STAP1: variants seen among roughly 807,000 people sequenced by gnomAD.
STAP1 encodes the protein signal transducing adaptor family member 1, also known as signal-transducing adaptor protein 1.
STAP1 carries 30 observed loss-of-function variants against 37.8 expected under a neutral mutation model. The ratio of observed to expected loss-of-function variants is 0.79; its 90% CI spans 0.59 to 1.08. The LOEUF (loss-of-function observed/expected upper bound fraction) is 1.08, where lower values mean the gene tolerates loss of function less well. Among genes scored for constraint, STAP1 ranks in the 50% least tolerant of loss-of-function variants. STAP1 has a pLI of 0.00. For missense variants in STAP1, 357 were observed against 349.4 expected (o/e 1.02, Z -0.17); for synonymous variants, 130 against 116.0 (o/e 1.12, Z -0.78).
At chr4:67,598,980 C>T (rs1728281172) in intron 8 of STAP1, among the ~76,000 whole-genome samples, 1 of 152,144 alleles carries the variant, frequency 6.6e-6, no homozygotes, top group Admixed American at 6.5e-5. Context: ...GATCATATAA[C>T]TATTGTTCTT....
chr4:67,581,684 C>T (rs1352580168), intron 5 of STAP1, among the ~76,000 whole-genome samples: 1 of 152,146 alleles, frequency 6.6e-6, no homozygotes, highest in Admixed American at 6.5e-5. Flanking sequence ...CACAGGAAAT[C>T]CCCTTCCACC....
At chr4:67,562,313 G>A (rs1346132487) in intron 1 of STAP1, among the ~76,000 whole-genome samples, 1 of 151,532 alleles carries the variant, frequency 6.6e-6, no homozygotes, top group Non-Finnish European at 1.5e-5. Context: ...CTGCACTCCA[G>A]CCTGGGTGAC....
intron 5 of STAP1, 123 bp from the exon 6 acceptor site, chr4:67,583,451 A>T (rs1727908924): frequency 9.9e-7 from 1 of 1,010,544 alleles, no homozygotes; most frequent in Non-Finnish European, 1.4e-6. Context: ...GGAATAATCA[A>T]ACCGGAAGTT....
intron 6 of STAP1, among the ~76,000 whole-genome samples, chr4:67,588,879 C>G (rs1728059252): frequency 6.6e-6 from 1 of 152,148 alleles, no homozygotes; most frequent in South Asian, 2.1e-4. Flanking sequence ...ACAGAAACTA[C>G]TACATTAAAA....
intron 3 of STAP1, among the ~76,000 whole-genome samples, chr4:67,576,576 T>C (rs916123753): frequency 6.6e-6 from 1 of 152,254 alleles, no homozygotes; most frequent in Non-Finnish European, 1.5e-5. Flanking sequence ...GCTCAAAATA[T>C]GTTGGCTGCA....
intron 8 of STAP1, among the ~76,000 whole-genome samples, chr4:67,605,984 T>C (rs914799356): frequency 6.6e-6 from 1 of 152,128 alleles, no homozygotes; most frequent in African/African-American, 2.4e-5. Context: ...ACAAGAGCAA[T>C]AATGGAACAA....
intron 1 of STAP1, among the ~76,000 whole-genome samples, chr4:67,562,088 A>G (rs141665453): frequency 0.21 from 23,154 of 109,182 alleles, 1,789 homozygotes; most frequent in Non-Finnish European, 0.26. Context: ...AAAAAAAAAA[A>G]AAAGAAAGAA....
intron 1 of STAP1, among the ~76,000 whole-genome samples, chr4:67,568,076 T>C (rs891690476): frequency 1.3e-5 from 2 of 152,348 alleles, no homozygotes; most frequent in African/African-American, 4.8e-5. Context: ...TAGTTCAAAA[T>C]GAATTTAATC....
intron 1 of STAP1, among the ~76,000 whole-genome samples, chr4:67,563,192 T>C (rs1226905145): frequency 1.3e-5 from 2 of 152,244 alleles, no homozygotes; most frequent in Admixed American, 6.5e-5. Context: ...ATTTGGGCGA[T>C]TCCTTCACAT....
At chr4:67,568,550 G>A (rs1336474838) in intron 1 of STAP1, among the ~76,000 whole-genome samples, 6 of 152,078 alleles carry the variant, frequency 3.9e-5, no homozygotes, top group Non-Finnish European at 7.4e-5. Context: ...TGAATGAAAT[G>A]GGAGTTTAAC....
At chr4:67,589,212 G>T (rs1577762647) in intron 6 of STAP1, among the ~76,000 whole-genome samples, 1 of 152,296 alleles carries the variant, frequency 6.6e-6, no homozygotes, top group African/African-American at 2.4e-5. Context: ...ATAAAGCCAG[G>T]TATAACCACC....
chr4:67,575,532 T>C (rs1437926819), intron 3 of STAP1, 34 bp downstream of exon 3: 2 of 1,471,296 alleles, frequency 1.4e-6, no homozygotes, highest in Admixed American at 1.9e-5. Context: ...TGTAAAGGGT[T>C]GTGGTTATAA....
Position 67,566,075 on chromosome 4 carries a change from A to G in STAP1, c.121-5009A>G, listed in dbSNP as rs1727462613. ...GAGATTCTCCTGTCTCAGCCTCCCA[A>G]GTAGCTGGGATTACAGGCGCCCGCC... On this transcript the variant is annotated intron_variant, in intron 1 of 8. Transcript: ENST00000265404. 3.3e-5 allele frequency among the ~76,000 whole-genome samples: 5 copies of G among 149,904 alleles called. No homozygotes were observed. The South Asian group carries it at 1.1e-3, about 32-fold the overall frequency.
At chr4:67,592,560 G>C (rs1021799809) in intron 7 of STAP1, among the ~76,000 whole-genome samples, 3 of 152,136 alleles carry the variant, frequency 2.0e-5, no homozygotes, top group Non-Finnish European at 2.9e-5. Flanking sequence ...AACCTTCAGG[G>C]ACTAGGACGC....
chr4:67,577,480 T>C (rs149861911), intron 4 of STAP1, among the ~76,000 whole-genome samples: 1 of 152,130 alleles, frequency 6.6e-6, no homozygotes, highest in Non-Finnish European at 1.5e-5. Flanking sequence ...GTGACAATTG[T>C]TATGAAGAAA....
intron 6 of STAP1, among the ~76,000 whole-genome samples, chr4:67,589,941 A>G (rs1728085204): frequency 6.6e-6 from 1 of 152,018 alleles, no homozygotes; most frequent in South Asian, 2.1e-4. Flanking sequence ...AGCTGGGACC[A>G]CATATGCATG....
At position 67,606,462 on chromosome 4, in the gene STAP1, A is replaced by G. The variant is rs1001541080; in HGVS notation, c.*105A>G. 7.6e-6 allele frequency: 7 copies of G among 919,144 alleles called. No individual in the cohort carries two copies. The East Asian group carries it at 1.9e-4, about 25-fold the overall frequency. 56.9% of individuals were successfully genotyped at this position (919,144 alleles called of 1,614,324 possible). ...CTATATTCTCCTGATACTGATTACCAAGTCATTCACCTGAACACCAGAATT... is the reference window on the plus strand; with the variant it reads ...CTATATTCTCCTGATACTGATTACCGAGTCATTCACCTGAACACCAGAATT... On this transcript the variant is annotated 3_prime_UTR_variant, in exon 9 of 9. Coordinates refer to ENST00000265404, the MANE Select transcript of STAP1 (RefSeq NM_012108.4).
intron 1 of STAP1, among the ~76,000 whole-genome samples, chr4:67,569,764 C>G (rs1727557736): frequency 1.3e-5 from 2 of 152,110 alleles, no homozygotes. Flanking sequence ...GAATCTCGCT[C>G]TGTCGCCCAG....
intron 7 of STAP1, among the ~76,000 whole-genome samples, chr4:67,592,263 G>A (rs1202261370): frequency 6.6e-6 from 1 of 152,126 alleles, no homozygotes; most frequent in Non-Finnish European, 1.5e-5. Flanking sequence ...CGAGTAGCGG[G>A]AACCACAGGT....
Sources: allele counts gnomAD v4.1 joint callset (sites outside exome capture counted in the v4.1 genomes callset), GRCh38; gene constraint gnomAD v4.1.1; transcripts MANE v1.5; gene names NCBI Gene and HGNC (gene_info 2026-07-23, HGNC 2026-07-21).